Variants in FAM124B observed in about 807,000 individuals in gnomAD.
FAM124B encodes the protein family with sequence similarity 124 member B, also known as protein FAM124B.
In FAM124B, 18 loss-of-function variants were observed where a neutral mutation model predicts 19.7. The ratio of observed to expected loss-of-function variants is 0.92; its 90% CI spans 0.63 to 1.36. The LOEUF (loss-of-function observed/expected upper bound fraction) is 1.36. Ranked by LOEUF, FAM124B falls within the 40% of genes most tolerant of loss-of-function variation. The pLI is 0.00. For missense variants in FAM124B, 540 were observed against 553.3 expected (o/e 0.98, Z 0.24); for synonymous variants, 223 against 225.2 (o/e 0.99, Z 0.09).
chr2:224,394,800 CTCAG>C (rs1689943732), intron 1 of FAM124B, among the ~76,000 whole-genome samples: 2 of 152,070 alleles, frequency 1.3e-5, no homozygotes, highest in Admixed American at 1.3e-4. Flanking sequence ...ACTTGACATC[CTCAG>C]TCAATTTCAC....
rs773052322 is a variant in FAM124B at position 224,401,423 on chromosome 2, ACTC to A, written c.343_345del (p.Glu115del). On this transcript the variant is annotated inframe_deletion, in exon 1 of 2. Transcript: ENST00000409685. ...GGCAGCTGACTGTCCAGGCTGTAGA[ACTC>A]CTGATTGGCAAAAAAGTAGGGACAC... The A allele has an allele frequency of 1.9e-6, 3 of 1,613,486 alleles. No individual in the cohort carries two copies. Among genetic ancestry groups the A allele is most frequent in the African/African-American group, 1.3e-5 (1 of 74,730 alleles).
intron 1 of FAM124B, among the ~76,000 whole-genome samples, chr2:224,399,253 C>T (rs1690023577): frequency 6.6e-6 from 1 of 152,030 alleles, no homozygotes; most frequent in South Asian, 2.1e-4. Context: ...TTTTGTTTGA[C>T]CATGAGGTTG....
chr2:224,401,458 C>T lies in FAM124B; in HGVS notation c.311G>A (p.Gly104Glu), dbSNP rs747266107. 18 of 1,614,110 alleles carry T rather than the reference C, an allele frequency of 1.1e-5. No individual in the cohort carries two copies. In the East Asian group the frequency reaches 3.3e-4, roughly 30 times the overall value. ...GGCAAAAAAGTAGGGACACAGCCTTCCCCGAGTGTCCTGGGTGGGGTAGCA... is the reference window on the plus strand; with the variant it reads ...GGCAAAAAAGTAGGGACACAGCCTTTCCCGAGTGTCCTGGGTGGGGTAGCA... ...WQCYPTQDTR[G>E]RLCPYFFANQ... The change falls in exon 1 of 2, where the codon GGA becomes GAA. Residue 104 changes from glycine to glutamate, a missense_variant. Transcript: ENST00000409685.
In FAM124B at chr2:224,401,108, T is replaced by C; in HGVS notation, c.661A>G (p.Asn221Asp). 1 of 1,614,060 alleles carries C rather than the reference T, an allele frequency of 6.2e-7. No individual in the cohort carries two copies. Residue 221 changes from asparagine to aspartate, a missense_variant, in exon 1 of 2, where the codon AAT becomes GAT. Physicochemically the swap from Asn to Asp is conservative, Grantham distance 23. Transcript: ENST00000409685. ...GTGCTGCTGATAGGCATGCATGGAT[T>C]GGGTAGCAGAGGCACTAACTGGCCG... ...EIGQLVPLLP[N>D]PCMPISSTRW... is the part of the protein sequence containing the mutation.
chr2:224,398,202 A>G (rs1284433287), intron 1 of FAM124B, among the ~76,000 whole-genome samples: 1 of 152,090 alleles, frequency 6.6e-6, no homozygotes, highest in African/African-American at 2.4e-5. Context: ...GGTTCAAGCG[A>G]TTCTCCTGCT....
At position 224,381,473 on chromosome 2, in the gene FAM124B, T is replaced by A. The variant is rs555173670; in HGVS notation, c.733-1265A>T. On this transcript the variant is annotated intron_variant, in intron 1 of 1. Coordinates refer to ENST00000409685, the MANE Select transcript of FAM124B (RefSeq NM_001122779.2). ...TATATGATGCCAACTATATGACACT[T>A]TGGAAAAACCAAAACTATGAAGACA... is the stretch of plus-strand genomic sequence containing the variant. Among the ~76,000 whole-genome samples the A allele has an allele frequency of 2.6e-4, 40 of 151,870 alleles. 1 individual carries two copies. The highest frequency in any genetic ancestry group is 3.9e-4 in the Admixed American group (6 of 15,250).
At chr2:224,396,145 C>T (rs1689965950) in intron 1 of FAM124B, among the ~76,000 whole-genome samples, 4 of 152,204 alleles carry the variant, frequency 2.6e-5, no homozygotes, top group Admixed American at 2.6e-4. Flanking sequence ...TTGGTACTTA[C>T]ATTCCAGTGG....
At chr2:224,385,613 A>C (rs1253585357) in intron 1 of FAM124B, among the ~76,000 whole-genome samples, 1 of 152,064 alleles carries the variant, frequency 6.6e-6, no homozygotes, top group East Asian at 1.9e-4. Context: ...ACATCTACCT[A>C]TCCAACTGCC....
rs1038156636 is a variant in FAM124B, at chr2:224,400,380, C to T, written c.732+657G>A. 4.3e-5 allele frequency: 29 copies of T among 667,076 alleles called. No individual in the cohort carries two copies. The Admixed American group carries it at 5.2e-4, about 12-fold the overall frequency. 41.3% of individuals were successfully genotyped at this position (667,076 alleles called of 1,614,324 possible). A position where few individuals can be genotyped will look rare whatever the true frequency, so the allele number is the denominator to read the frequency against. On this transcript the variant is annotated intron_variant, in intron 1 of 1. Coordinates refer to ENST00000409685, the MANE Select transcript of FAM124B (RefSeq NM_001122779.2). ...AAATAGCCAGACATGGCGGCACGTG[C>T]CTGTAGTCCCAGCTAATCAGGAGGC... is the stretch of plus-strand genomic sequence containing the variant.
At chr2:224,393,329 T>C (rs1350742416) in intron 1 of FAM124B, among the ~76,000 whole-genome samples, 1 of 152,144 alleles carries the variant, frequency 6.6e-6, no homozygotes, top group Non-Finnish European at 1.5e-5. Context: ...GCAACCAACA[T>C]GTGTTGTTGA....
rs544663830 is a variant in FAM124B at position 224,395,119 on chromosome 2, G to A, written c.732+5918C>T. Among the ~76,000 whole-genome samples, 119 of 152,242 alleles carry A rather than the reference G, an allele frequency of 7.8e-4. 1 individual carries two copies. The highest frequency in any genetic ancestry group is 2.4e-3 in the African/African-American group (99 of 41,536). On this transcript the variant is annotated intron_variant, in intron 1 of 1. Coordinates refer to ENST00000409685, the MANE Select transcript of FAM124B (RefSeq NM_001122779.2). The stretch of plus-strand genomic sequence containing the variant: ...TGAGAAGATCACCAATGCTAACTCA[G>A]TGACCTGGAATTTAGAGTCTGCCAG...
chr2:224,400,892 A>G (rs1690057090), intron 1 of FAM124B, 145 bp downstream of exon 1: 2 of 1,089,046 alleles, frequency 1.8e-6, no homozygotes, highest in Non-Finnish European at 2.5e-6. Flanking sequence ...ATTCGGATCA[A>G]ACTGCCCTGG....
intron 1 of FAM124B, among the ~76,000 whole-genome samples, chr2:224,381,913 A>T (rs1021186280): frequency 6.6e-6 from 1 of 152,238 alleles, no homozygotes; most frequent in Admixed American, 6.5e-5. Context: ...GCAAGAAGGC[A>T]GAAATGAGGA....
chr2:224,380,273 C>T (rs1402351452), intron 1 of FAM124B, 65 bp from the exon 2 acceptor site: 13 of 1,411,102 alleles, frequency 9.2e-6, no homozygotes, highest in Non-Finnish European at 1.2e-5. Flanking sequence ...CAAGAGCTGA[C>T]TATGCCTTAT....
chr2:224,399,166 C>T (rs1390302663), intron 1 of FAM124B, among the ~76,000 whole-genome samples: 1 of 152,182 alleles, frequency 6.6e-6, no homozygotes, highest in Non-Finnish European at 1.5e-5. Flanking sequence ...AACTGTGGTT[C>T]CATAGCAAAA....
chr2:224,382,780 G>A (rs1367301048), intron 1 of FAM124B, among the ~76,000 whole-genome samples: 3 of 152,062 alleles, frequency 2.0e-5, no homozygotes, highest in African/African-American at 7.2e-5. Flanking sequence ...CGCAGCCCTG[G>A]TTGACGTACA....
intron 1 of FAM124B, among the ~76,000 whole-genome samples, chr2:224,386,935 A>G (rs1326953311): frequency 6.6e-6 from 1 of 152,180 alleles, no homozygotes; most frequent in African/African-American, 2.4e-5. Flanking sequence ...TTTTATTACT[A>G]TGGCTAGACA....
At chr2:224,385,257 A>G (rs1408250841) in intron 1 of FAM124B, among the ~76,000 whole-genome samples, 8 of 151,678 alleles carry the variant, frequency 5.3e-5, no homozygotes, top group African/African-American at 1.5e-4. Flanking sequence ...CCCTCCTGTC[A>G]TTCATTATTT....
At chr2:224,388,707 A>G (rs945672479) in intron 1 of FAM124B, among the ~76,000 whole-genome samples, 1 of 152,242 alleles carries the variant, frequency 6.6e-6, no homozygotes, top group African/African-American at 2.4e-5. Flanking sequence ...AAAATAGTTA[A>G]GATGGTAAAT....
Sources: allele counts gnomAD v4.1 joint callset (sites outside exome capture counted in the v4.1 genomes callset), GRCh38; gene constraint gnomAD v4.1.1; transcripts MANE v1.5; gene names NCBI Gene and HGNC (gene_info 2026-07-23, HGNC 2026-07-21).